The following LGR5 variants were observed in gnomAD, a reference collection of about 807,000 sequenced individuals.
The protein encoded by LGR5 is leucine rich repeat containing G protein-coupled receptor 5.
In LGR5, 54 loss-of-function variants were observed where a neutral mutation model predicts 76.7. The observed-to-expected ratio is 0.70, with a 90% CI of 0.57 to 0.88. The LOEUF (loss-of-function observed/expected upper bound fraction) is 0.88, where lower values mean the gene tolerates loss of function less well. Ranked by LOEUF, LGR5 falls within the 40% of genes least tolerant of loss-of-function variation. The pLI is 0.00. For missense variants in LGR5, 1,078 were observed against 1,073.3 expected (o/e 1.00, Z -0.06); for synonymous variants, 406 against 421.9 (o/e 0.96, Z 0.46).
At chr12:71,525,601 AT>A (rs1401950629) in intron 3 of LGR5, among the ~76,000 whole-genome samples, 6 of 151,438 alleles carry the variant, frequency 4.0e-5, no homozygotes, top group Non-Finnish European at 5.9e-5. Context: ...AACTAAAGTG[AT>A]TTTTTTTCCC....
chr12:71,531,860 C>T (rs941104707), intron 3 of LGR5, among the ~76,000 whole-genome samples: 9 of 152,082 alleles, frequency 5.9e-5, no homozygotes, highest in Non-Finnish European at 1.2e-4. Flanking sequence ...AGAGTGAGAC[C>T]CTGTCCCCCC....
At chr12:71,533,283 T>A (rs998477577) in intron 3 of LGR5, among the ~76,000 whole-genome samples, 1 of 152,184 alleles carries the variant, frequency 6.6e-6, no homozygotes, top group Non-Finnish European at 1.5e-5. Context: ...AGGCAGAGGT[T>A]GCAGTGGGCC....
At chr12:71,555,424 T>G (rs907629843) in intron 5 of LGR5, among the ~76,000 whole-genome samples, 1 of 152,208 alleles carries the variant, frequency 6.6e-6, no homozygotes, top group Non-Finnish European at 1.5e-5. Context: ...TCTCACTGGC[T>G]CTGACCTAAC....
At position 71,439,960 on chromosome 12, in the gene LGR5, C is replaced by A. The variant is rs941746616; in HGVS notation, c.-121C>A. The A allele has an allele frequency of 4.7e-6, 4 of 855,388 alleles. No homozygotes were observed. The highest frequency in any genetic ancestry group is 3.5e-4 in the Middle Eastern group (1 of 2,820). 53.0% of individuals were successfully genotyped at this position (855,388 alleles called of 1,614,324 possible). On this transcript the variant is annotated 5_prime_UTR_variant, in exon 1 of 18. Coordinates refer to ENST00000266674, the MANE Select transcript of LGR5 (RefSeq NM_003667.4). Reference sequence around the variant, plus strand: ...GTGGGGTCAGGAACGCGGCGTCTGGCGCTGCAGACGCCCGCTGAGTTGCAG... The same window carrying A: ...GTGGGGTCAGGAACGCGGCGTCTGGAGCTGCAGACGCCCGCTGAGTTGCAG...
intron 1 of LGR5, among the ~76,000 whole-genome samples, chr12:71,475,591 G>A (rs1407336874): frequency 6.6e-6 from 1 of 152,130 alleles, no homozygotes; most frequent in East Asian, 1.9e-4. Flanking sequence ...CTTATGCTGC[G>A]ACGCTCTTGT....
At chr12:71,582,667 C>T in intron 17 of LGR5, 128 bp downstream of exon 17, 1 of 654,100 alleles carries the variant, frequency 1.5e-6, no homozygotes, top group Middle Eastern at 2.5e-4. Context: ...TAACCCTCCC[C>T]ATAGTGGCCT....
At chr12:71,500,228 C>T (rs144392192) in intron 1 of LGR5, among the ~76,000 whole-genome samples, 257 of 152,108 alleles carry the variant, frequency 1.7e-3, no homozygotes, top group African/African-American at 5.8e-3. Flanking sequence ...TGGGATGGAA[C>T]CCATAGGAAC....
chr12:71,539,581 G>A (rs1003093581), intron 4 of LGR5, among the ~76,000 whole-genome samples: 9 of 152,100 alleles, frequency 5.9e-5, no homozygotes, highest in Admixed American at 3.9e-4. Flanking sequence ...AGGTTCAAGC[G>A]ATTTTTCTGC....
At chr12:71,574,868 A>G (rs921035367) in intron 13 of LGR5, among the ~76,000 whole-genome samples, 2 of 152,210 alleles carry the variant, frequency 1.3e-5, no homozygotes, top group East Asian at 3.9e-4. Flanking sequence ...TTTCTACTAT[A>G]GAACTTAATA....
chr12:71,446,082 C>A (rs947074568), intron 1 of LGR5, among the ~76,000 whole-genome samples: 5 of 152,094 alleles, frequency 3.3e-5, no homozygotes, highest in African/African-American at 4.8e-5. Context: ...GTGCCCATAC[C>A]AATGCCTGGC....
chr12:71,567,341 T>C (rs888412642), intron 11 of LGR5: 23 of 181,516 alleles, frequency 1.3e-4, no homozygotes, highest in Non-Finnish European at 2.4e-4. Flanking sequence ...TCCAGTATAG[T>C]TGTCAATGCC....
Position 71,584,956 on chromosome 12 carries a change from C to T in LGR5, c.*222C>T, listed in dbSNP as rs1011816794. The T allele has an allele frequency of 1.2e-5, 6 of 510,054 alleles. No individual in the cohort carries two copies. The highest frequency in any genetic ancestry group is 6.9e-5 in the Admixed American group (2 of 29,064). The allele number at this position is 510,054 out of a possible 1,614,324, so 31.6% of individuals were successfully genotyped here. ...TAATTTGTTCAGCTAAGGGATAGATCGATCACACTATTTAAGTGAGCCCAG... is the reference window on the plus strand; with the variant it reads ...TAATTTGTTCAGCTAAGGGATAGATTGATCACACTATTTAAGTGAGCCCAG... On this transcript the variant is annotated 3_prime_UTR_variant, in exon 18 of 18. Transcript: ENST00000266674.
intron 1 of LGR5, among the ~76,000 whole-genome samples, chr12:71,441,111 C>T (rs546377344): frequency 6.6e-6 from 1 of 152,292 alleles, no homozygotes; most frequent in South Asian, 2.1e-4. Flanking sequence ...AGCTCTCTAT[C>T]ATCCCTGGGG....
chr12:71,559,257 T>A (rs1025389975), intron 6 of LGR5, among the ~76,000 whole-genome samples: 5 of 149,764 alleles, frequency 3.3e-5, no homozygotes, highest in Non-Finnish European at 7.4e-5. Flanking sequence ...AAGAGCTCCA[T>A]CCGCCAGCCG....
intron 6 of LGR5, among the ~76,000 whole-genome samples, chr12:71,559,302 A>G (rs10784926): frequency 0.32 from 48,325 of 152,040 alleles, 8,444 homozygotes; most frequent in East Asian, 0.58. Flanking sequence ...TCTCCTACTT[A>G]GAAGTTAATA....
intron 1 of LGR5, among the ~76,000 whole-genome samples, chr12:71,446,636 CA>C (rs1565846990): frequency 1.3e-5 from 2 of 152,170 alleles, no homozygotes; most frequent in Non-Finnish European, 2.9e-5. Context: ...CCCAAGAAAA[CA>C]GGCTTTCCAA....
rs765018110 is a variant in LGR5 at position 71,553,160 on chromosome 12, T to C, written c.516T>C (p.Asn172=). The C allele has an allele frequency of 1.1e-5, 18 of 1,613,840 alleles. No homozygotes were observed. Among genetic ancestry groups the C allele is most frequent in the Admixed American group, 6.7e-5 (4 of 59,976 alleles). Residue 172 remains asparagine, a synonymous_variant, in exon 5 of 18, where the codon AAT becomes AAC. Transcript: ENST00000266674. ...TGAGGCACCTGTGGCTGGATGACAA[T>C]GCGTTAACAGAAATCCCCGTCCAGG... The part of the protein sequence containing the change: ...HSLRHLWLDD[N]ALTEIPVQAF...
At chr12:71,518,640 C>T (rs1180980109) in intron 2 of LGR5, among the ~76,000 whole-genome samples, 2 of 152,162 alleles carry the variant, frequency 1.3e-5, no homozygotes, top group Non-Finnish European at 2.9e-5. Context: ...AAATGTGGTA[C>T]ATACACACCA....
chr12:71,455,020 T>C (rs1313439757), intron 1 of LGR5, among the ~76,000 whole-genome samples: 3 of 152,018 alleles, frequency 2.0e-5, no homozygotes, highest in Non-Finnish European at 4.4e-5. Flanking sequence ...TACACTAGAT[T>C]AGAAGTCCAG....
Sources: allele counts gnomAD v4.1 joint callset (sites outside exome capture counted in the v4.1 genomes callset), GRCh38; gene constraint gnomAD v4.1.1; transcripts MANE v1.5; gene names NCBI Gene and HGNC (gene_info 2026-07-23, HGNC 2026-07-21).